The following ORC5 variants were observed in gnomAD, a reference collection of about 807,000 sequenced individuals.
ORC5 encodes the protein origin recognition complex subunit 5.
Under a neutral mutation model 58.8 loss-of-function variants are expected in ORC5, and 39 were observed. That is an observed-to-expected ratio of 0.66 (90% confidence interval 0.51 to 0.87). The LOEUF (loss-of-function observed/expected upper bound fraction) is 0.87, where lower values mean the gene tolerates loss of function less well. Among genes scored for constraint, ORC5 ranks in the 40% least tolerant of loss-of-function variants. The pLI, the probability that ORC5 is intolerant of heterozygous loss-of-function variation, is 0.00. For synonymous variants in ORC5, 218 were observed against 177.6 expected, an observed-to-expected ratio of 1.23 and a Z score of -1.81; for missense variants, 493 against 506.3, an observed-to-expected ratio of 0.97 and a Z score of 0.25.
intron 8 of ORC5, among the ~76,000 whole-genome samples, chr7:104,172,627 G>A (rs990253719): frequency 3.9e-5 from 6 of 152,128 alleles, no homozygotes; most frequent in African/African-American, 1.4e-4. Context: ...TGTAATCTAG[G>A]CTTAATCTAA....
rs188565622 is a variant in ORC5 at position 104,135,687 on chromosome 7, C to A, written c.1262+1094G>T. ...AGCTGCCAACCTATGGACTTCAGAA[C>A]CTCAAGAAGCTGTAAAATTAATCAT... On this transcript the variant is annotated intron_variant, in intron 13 of 13. Transcript: ENST00000297431. 5.3e-4 allele frequency among the ~76,000 whole-genome samples: 81 copies of A among 152,212 alleles called. 1 individual carries two copies. Among genetic ancestry groups the A allele is most frequent in the African/African-American group, 1.9e-3 (78 of 41,526 alleles).
At chr7:104,160,416 C>T (rs1435766678) in intron 12 of ORC5, among the ~76,000 whole-genome samples, 1 of 152,134 alleles carries the variant, frequency 6.6e-6, no homozygotes, top group Non-Finnish European at 1.5e-5. Context: ...CTAGTTATAT[C>T]ATTTTGCTTT....
intron 1 of ORC5, among the ~76,000 whole-genome samples, chr7:104,205,620 C>A (rs1800060288): frequency 6.6e-6 from 1 of 152,154 alleles, no homozygotes; most frequent in African/African-American, 2.4e-5. Context: ...AGCAGCTCAA[C>A]TGCTAAAAAT....
chr7:104,172,585 G>A (rs192346612), intron 8 of ORC5, among the ~76,000 whole-genome samples: 3 of 152,308 alleles, frequency 2.0e-5, no homozygotes, highest in South Asian at 2.1e-4. Flanking sequence ...AAAGCAGACA[G>A]TGTTGATATT....
At chr7:104,145,168 A>G (rs1323626231) in intron 12 of ORC5, among the ~76,000 whole-genome samples, 2 of 152,202 alleles carry the variant, frequency 1.3e-5, no homozygotes, top group Admixed American at 1.3e-4. Context: ...TAATGAGAGT[A>G]GGCCTGAAAT....
intron 1 of ORC5, among the ~76,000 whole-genome samples, chr7:104,207,044 T>TA (rs1331607401): frequency 1.3e-5 from 2 of 152,120 alleles, no homozygotes; most frequent in Non-Finnish European, 1.5e-5. Context: ...TGACTGTACT[T>TA]AAAAAAGCAA....
intron 13 of ORC5, among the ~76,000 whole-genome samples, chr7:104,132,097 A>G (rs369043889): frequency 6.6e-6 from 1 of 152,140 alleles, no homozygotes; most frequent in Admixed American, 6.5e-5. Flanking sequence ...TCTCATAAAT[A>G]CTACAATATG....
Position 104,188,244 on chromosome 7 carries a change from C to A in ORC5, c.684+7G>T. 1.9e-6 allele frequency: 3 copies of A among 1,601,880 alleles called. No individual in the cohort carries two copies. In the South Asian group the frequency reaches 3.3e-5, roughly 18 times the overall value. On this transcript the variant is annotated splice_region_variant and intron_variant, in intron 6 of 13. Coordinates refer to ENST00000297431, the MANE Select transcript of ORC5 (RefSeq NM_002553.4). ...TATATATATATTCAAGCAAAATGTT[C>A]ATTTACCAGATGTCTGAGCTCTTTC...
intron 10 of ORC5, among the ~76,000 whole-genome samples, chr7:104,166,415 G>A (rs1799107547): frequency 1.3e-5 from 2 of 152,202 alleles, no homozygotes; most frequent in African/African-American, 4.8e-5. Flanking sequence ...GTATGTACAG[G>A]AGAGGCTCCT....
chr7:104,200,932 A>G lies in ORC5; in HGVS notation c.192T>C (p.Val64=). The G allele has an allele frequency of 1.2e-6, 2 of 1,613,434 alleles. No individual in the cohort carries two copies. The highest frequency in any genetic ancestry group is 2.2e-5 in the South Asian group (2 of 90,998). Residue 64 remains valine, a synonymous_variant, in exon 3 of 14, where the codon GTT becomes GTC. Transcript: ENST00000297431. ...LELPHVFVNC[V]ECFTLRLLLE... is the part of the protein sequence containing the mutation. ...AAAGCAGCCTCAATGTAAAGCATTC[A>G]ACACAATTCACAAACACATGTGGGA...
intron 2 of ORC5, among the ~76,000 whole-genome samples, chr7:104,203,930 C>G (rs1800008600): frequency 6.6e-6 from 1 of 152,014 alleles, no homozygotes; most frequent in African/African-American, 2.4e-5. Flanking sequence ...ATGTGATTTA[C>G]TAAATGAGGG....
intron 5 of ORC5, among the ~76,000 whole-genome samples, chr7:104,191,965 AAAC>A (rs1799686291): frequency 6.6e-6 from 1 of 152,170 alleles, no homozygotes; most frequent in South Asian, 2.1e-4. Context: ...ACACTATAGA[AAAC>A]AACTATTTTT....
At chr7:104,188,160 G>A (rs1799589685) in intron 6 of ORC5, 91 bp downstream of exon 6, 10 of 1,029,816 alleles carry the variant, frequency 9.7e-6, no homozygotes, top group Non-Finnish European at 1.3e-5. Context: ...TTTCTACATG[G>A]AAAACATTAA....
chr7:104,200,914 C>A lies in ORC5; in HGVS notation c.210G>T (p.Arg70Ser), dbSNP rs140435138. 6.2e-7 allele frequency: 1 copy of A among 1,613,552 alleles called. No individual in the cohort carries two copies. Among genetic ancestry groups the A allele is most frequent in the African/African-American group, 1.3e-5 (1 of 74,894 alleles). The change falls in exon 3 of 14, where the codon AGG (arginine) becomes AGT (serine). Residue 70 changes from arginine to serine, a missense_variant. By Grantham distance (110) the Arg-to-Ser change is moderately radical (BLOSUM62 -1). Transcript: ENST00000297431. Reference protein sequence around the residue: ...FVNCVECFTLRLLLEQILNKL... With the variant: ...FVNCVECFTLSLLLEQILNKL... ...TGTTTAAAATTTGTTCCAAAAGCAG[C>A]CTCAATGTAAAGCATTCAACACAAT...
chr7:104,186,209 ATT>A (rs779566156), intron 6 of ORC5, among the ~76,000 whole-genome samples: 2 of 146,930 alleles, frequency 1.4e-5, no homozygotes, highest in African/African-American at 5.0e-5. Flanking sequence ...TTGTCTACAG[ATT>A]TTTTTTTTTT....
intron 3 of ORC5, among the ~76,000 whole-genome samples, chr7:104,198,511 A>G (rs187761378): frequency 7.2e-5 from 11 of 152,326 alleles, no homozygotes; most frequent in African/African-American, 2.6e-4. Flanking sequence ...GATTTAGGGT[A>G]TCTGGTGGAA....
intron 8 of ORC5, among the ~76,000 whole-genome samples, chr7:104,174,072 C>T (rs571660035): frequency 1.3e-5 from 2 of 151,914 alleles, no homozygotes; most frequent in South Asian, 2.1e-4. Flanking sequence ...TCTCGATCTC[C>T]TGACCTCGTG....
intron 12 of ORC5, among the ~76,000 whole-genome samples, chr7:104,150,911 C>G (rs570072961): frequency 1.9e-4 from 29 of 152,188 alleles, no homozygotes; most frequent in South Asian, 1.0e-3. Flanking sequence ...AATTATCTGA[C>G]TATAGAGAAG....
At chr7:104,152,575 AT>A (rs1368696944) in intron 12 of ORC5, among the ~76,000 whole-genome samples, 2 of 152,172 alleles carry the variant, frequency 1.3e-5, no homozygotes. Context: ...TAATGCACAA[AT>A]TTGCCTATAT....
Sources: gnomAD v4.1 joint callset for allele counts (sites outside exome capture counted in the v4.1 genomes callset) on GRCh38, gnomAD v4.1.1 for gene constraint, MANE v1.5 for transcripts, NCBI Gene and HGNC (gene_info 2026-07-23, HGNC 2026-07-21) for gene names.